PRKCE: variants seen among roughly 807,000 people sequenced by gnomAD.
PRKCE encodes protein kinase C epsilon type.
Under a neutral mutation model 85.4 loss-of-function variants are expected in PRKCE, and 16 were observed. The ratio of observed to expected loss-of-function variants is 0.19; its 90% CI spans 0.13 to 0.28. PRKCE has a LOEUF of 0.28. Ranked by LOEUF, PRKCE falls within the 10% of genes least tolerant of loss-of-function variation. The pLI is 1.00. For synonymous variants in PRKCE, 388 were observed against 371.5 expected (o/e 1.04, Z -0.51); for missense variants, 573 against 975.2 (o/e 0.59, Z 5.49).
chr2:45,821,976 AG>A (rs35019338), intron 1 of PRKCE, among the ~76,000 whole-genome samples: 1 of 152,062 alleles, frequency 6.6e-6, no homozygotes, highest in African/African-American at 2.4e-5. Context: ...GAAGGGCTTG[AG>A]GGGGCTTAGT....
intron 14 of PRKCE, among the ~76,000 whole-genome samples, chr2:46,169,547 A>G (rs114263453): frequency 0.035 from 5,360 of 152,268 alleles, 107 homozygotes; most frequent in East Asian, 0.084. Context: ...AGAGGGTGGC[A>G]AATGGCTAGG....
At chr2:45,957,572 C>T (rs1038301753) in intron 2 of PRKCE, among the ~76,000 whole-genome samples, 10 of 152,140 alleles carry the variant, frequency 6.6e-5, no homozygotes, top group African/African-American at 2.4e-4. Context: ...GTTGATCACT[C>T]TTAGGCAATT....
chr2:45,749,420 G>A (rs1180256840), intron 1 of PRKCE, among the ~76,000 whole-genome samples: 1 of 152,168 alleles, frequency 6.6e-6, no homozygotes, highest in Non-Finnish European at 1.5e-5. Flanking sequence ...AGCATCATTG[G>A]CATGTGGTTT....
intron 10 of PRKCE, among the ~76,000 whole-genome samples, chr2:46,020,220 G>A (rs1037800062): frequency 6.6e-6 from 1 of 151,944 alleles, no homozygotes; most frequent in African/African-American, 2.4e-5. Flanking sequence ...GGTGGGAGCT[G>A]GGTACACAGA....
At chr2:46,021,409 G>A (rs991693017) in intron 10 of PRKCE, among the ~76,000 whole-genome samples, 16 of 152,188 alleles carry the variant, frequency 1.1e-4, no homozygotes. Context: ...ATATCTGTGA[G>A]CAGGCTATTT....
intron 6 of PRKCE, among the ~76,000 whole-genome samples, chr2:45,995,125 G>T (rs555554855): frequency 3.4e-4 from 52 of 152,118 alleles, no homozygotes; most frequent in African/African-American, 1.3e-3. Flanking sequence ...TGCCCATTGG[G>T]TTATTCATTT....
At chr2:45,802,179 A>G (rs1250669976) in intron 1 of PRKCE, among the ~76,000 whole-genome samples, 1 of 151,620 alleles carries the variant, frequency 6.6e-6, no homozygotes, top group African/African-American at 2.4e-5. Flanking sequence ...GTGAGGCAGG[A>G]GTTGAAGCTC....
intron 11 of PRKCE, among the ~76,000 whole-genome samples, chr2:46,135,074 C>A (rs1674826861): frequency 6.6e-6 from 1 of 152,094 alleles, no homozygotes; most frequent in African/African-American, 2.4e-5. Context: ...CAACCAGGTA[C>A]CAGGCTATTT....
chr2:46,102,043 C>G (rs568872329), intron 11 of PRKCE, among the ~76,000 whole-genome samples: 1 of 151,808 alleles, frequency 6.6e-6, no homozygotes. Flanking sequence ...CAGGTCCCGG[C>G]GGGAAAGGTG....
intron 13 of PRKCE, among the ~76,000 whole-genome samples, chr2:46,156,964 C>T (rs1281546678): frequency 1.3e-5 from 2 of 152,108 alleles, no homozygotes; most frequent in Non-Finnish European, 2.9e-5. Context: ...CTTCTTATTT[C>T]TTTTTCTGTG....
intron 1 of PRKCE, among the ~76,000 whole-genome samples, chr2:45,681,710 C>T (rs1002803794): frequency 6.6e-6 from 1 of 152,190 alleles, no homozygotes; most frequent in Non-Finnish European, 1.5e-5. Flanking sequence ...ATGCAACTGC[C>T]ATTCCCCATG....
intron 1 of PRKCE, among the ~76,000 whole-genome samples, chr2:45,662,043 G>A (rs1376695361): frequency 1.3e-5 from 2 of 151,956 alleles, no homozygotes; most frequent in African/African-American, 4.8e-5. Flanking sequence ...TAGCTCTCTG[G>A]GATCTGTCTT....
At chr2:45,966,989 C>T (rs536795895) in intron 2 of PRKCE, among the ~76,000 whole-genome samples, 1 of 152,272 alleles carries the variant, frequency 6.6e-6, no homozygotes, top group African/African-American at 2.4e-5. Context: ...TGGATACAGC[C>T]TGTTTTTGGA....
At position 45,779,605 on chromosome 2, in the gene PRKCE, A is replaced by T. The variant is rs868585385; in HGVS notation, c.349-63395A>T. 8.6e-3 allele frequency among the ~76,000 whole-genome samples: 1,149 copies of T among 133,622 alleles called. 12 individuals carry two copies. The highest frequency in any genetic ancestry group is 0.036 in the African/African-American group (1,075 of 29,638). 87.7% of individuals were successfully genotyped at this position (133,622 alleles called of 152,430 possible). ...AATAATGCAGAAATATATTAAAGTAAAAAAAAAAAAAAAAGAGAAAATCTC... is the reference window on the plus strand; with the variant it reads ...AATAATGCAGAAATATATTAAAGTATAAAAAAAAAAAAAAGAGAAAATCTC... On this transcript the variant is annotated intron_variant, in intron 1 of 14. Coordinates refer to ENST00000306156, the MANE Select transcript of PRKCE (RefSeq NM_005400.3).
chr2:45,844,398 C>A (rs1280807925), intron 2 of PRKCE, among the ~76,000 whole-genome samples: 5 of 152,168 alleles, frequency 3.3e-5, no homozygotes, highest in Non-Finnish European at 7.3e-5. Context: ...CAGAATAGAA[C>A]CTGTTGTAGA....
chr2:45,804,524 G>A (rs1267483403), intron 1 of PRKCE, among the ~76,000 whole-genome samples: 1 of 152,192 alleles, frequency 6.6e-6, no homozygotes, highest in Non-Finnish European at 1.5e-5. Context: ...CTATACTGAG[G>A]TGCTGAAGTA....
intron 1 of PRKCE, among the ~76,000 whole-genome samples, chr2:45,807,377 C>A (rs1179030527): frequency 6.6e-6 from 1 of 152,170 alleles, no homozygotes; most frequent in African/African-American, 2.4e-5. Context: ...TGCTGATGGC[C>A]CAGAATCATG....
At chr2:45,987,384 T>C (rs1370451678) in intron 6 of PRKCE, among the ~76,000 whole-genome samples, 1 of 152,218 alleles carries the variant, frequency 6.6e-6, no homozygotes, top group African/African-American at 2.4e-5. Flanking sequence ...TGCAGACTTT[T>C]ACTCTTCTGT....
At chr2:46,074,445 A>G (rs1290227423) in intron 10 of PRKCE, among the ~76,000 whole-genome samples, 27 of 151,440 alleles carry the variant, frequency 1.8e-4, no homozygotes, top group Non-Finnish European at 3.2e-4. Context: ...AAAAAAAAAA[A>G]AAAGAAAAAC....
Sources: gnomAD v4.1 joint callset for allele counts (sites outside exome capture counted in the v4.1 genomes callset) on GRCh38, gnomAD v4.1.1 for gene constraint, MANE v1.5 for transcripts, NCBI Gene and HGNC (gene_info 2026-07-23, HGNC 2026-07-21) for gene names.